YTHDF2: variants seen among roughly 807,000 people sequenced by gnomAD.
YTHDF2 encodes YTH domain-containing family protein 2.
A neutral mutation model predicts 50.4 loss-of-function variants in YTHDF2; 2 were observed. That is an observed-to-expected ratio of 0.04 (90% confidence interval 0.02 to 0.12). The LOEUF is 0.12. Ranked by LOEUF, YTHDF2 falls within the 10% of genes least tolerant of loss-of-function variation. YTHDF2 has a pLI of 1.00. For synonymous variants in YTHDF2, 217 were observed against 255.6 expected (o/e 0.85, Z 1.44); for missense variants, 483 against 722.6 (o/e 0.67, Z 3.80).
At chr1:28,739,563 A>G (rs1350407163) in intron 3 of YTHDF2, among the ~76,000 whole-genome samples, 1 of 151,728 alleles carries the variant, frequency 6.6e-6, no homozygotes. Flanking sequence ...ACCTCTCAGA[A>G]GTGTTGGGAT....
At chr1:28,756,906 C>T (rs970452554) in intron 4 of YTHDF2, among the ~76,000 whole-genome samples, 3 of 152,192 alleles carry the variant, frequency 2.0e-5, no homozygotes, top group Non-Finnish European at 2.9e-5. Context: ...TTAGGGCAAA[C>T]GTTCTCTTCC....
intron 4 of YTHDF2, among the ~76,000 whole-genome samples, chr1:28,753,149 T>TA (rs1415304212): frequency 5.3e-5 from 8 of 151,816 alleles, no homozygotes; most frequent in African/African-American, 1.9e-4. Context: ...TATTGGAACT[T>TA]ACACCTGGAG....
intron 4 of YTHDF2, among the ~76,000 whole-genome samples, chr1:28,749,610 T>G (rs1328873599): frequency 6.6e-6 from 1 of 152,176 alleles, no homozygotes; most frequent in African/African-American, 2.4e-5. Flanking sequence ...TTTCTAGCCC[T>G]TTAACTACAA....
chr1:28,758,223 A>G (rs984261144), intron 4 of YTHDF2, among the ~76,000 whole-genome samples: 1 of 152,116 alleles, frequency 6.6e-6, no homozygotes, highest in African/African-American at 2.4e-5. Flanking sequence ...GAAATTAGCC[A>G]GGTGTGGTGG....
At chr1:28,739,588 A>C (rs1227991432) in intron 3 of YTHDF2, among the ~76,000 whole-genome samples, 4 of 152,162 alleles carry the variant, frequency 2.6e-5, no homozygotes, top group African/African-American at 9.6e-5. Context: ...GGTGTGAGCC[A>C]CCATGCCCGG....
chr1:28,767,519 TA>T (rs1458302986), intron 4 of YTHDF2, among the ~76,000 whole-genome samples: 6 of 152,050 alleles, frequency 3.9e-5, no homozygotes, highest in Non-Finnish European at 8.8e-5. Flanking sequence ...TTTATTTATT[TA>T]TTTTTTGAGA....
chr1:28,745,810 CAGG>C (rs1037179508), intron 4 of YTHDF2, among the ~76,000 whole-genome samples: 2 of 143,058 alleles, frequency 1.4e-5, no homozygotes, highest in African/African-American at 5.2e-5. Flanking sequence ...GAGGACGAGG[CAGG>C]AGGATTGCCT....
upstream of YTHDF2, chr1:28,736,919 C>T: frequency 1.7e-6 from 1 of 583,514 alleles, no homozygotes; most frequent in South Asian, 2.0e-5. Flanking sequence ...AGCATAGAGA[C>T]GGGCATTGAG....
At chr1:28,741,848 T>C (rs2087781647) in intron 3 of YTHDF2, among the ~76,000 whole-genome samples, 1 of 152,216 alleles carries the variant, frequency 6.6e-6, no homozygotes, top group South Asian at 2.1e-4. Flanking sequence ...GATAAAAGGA[T>C]TATCTCAACA....
Position 28,751,110 on chromosome 1 carries a change from A to AAT in YTHDF2, c.1716+7124_1716+7125insAT, listed in dbSNP as rs1553144757. Among the ~76,000 whole-genome samples the AAT allele has an allele frequency of 4.8e-5, 7 of 144,410 alleles. 1 individual carries two copies. The highest frequency in any genetic ancestry group is 1.8e-4 in the African/African-American group (7 of 38,736). 94.7% of individuals were successfully genotyped at this position (144,410 alleles called of 152,430 possible). ...TGTCTCAAAAAAAAAAAAAAAAAAAAGGCTGGGCGTGGTGGTGCACGCTAG... is the reference window on the plus strand; with the variant it reads ...TGTCTCAAAAAAAAAAAAAAAAAAAAATGGCTGGGCGTGGTGGTGCACGCTAG... On this transcript the variant is annotated intron_variant, in intron 4 of 4. Transcript: ENST00000373812.
rs991145505 is a variant in YTHDF2, at chr1:28,737,023, A to G, written c.-98A>G. On this transcript the variant is annotated 5_prime_UTR_variant, in exon 1 of 5. Coordinates refer to ENST00000373812, the MANE Select transcript of YTHDF2 (RefSeq NM_016258.3). The stretch of plus-strand genomic sequence containing the variant: ...GCCGAGGCCCCCGAGTGTCAGGGAC[A>G]AAAGCCTCCGCCTGCTCCCGCAGAC... The G allele has an allele frequency of 8.7e-5, 130 of 1,493,590 alleles. No homozygotes were observed. The highest frequency in any genetic ancestry group is 1.1e-4 in the Non-Finnish European group (126 of 1,107,022). 92.5% of individuals were successfully genotyped at this position (1,493,590 alleles called of 1,614,324 possible).
chr1:28,745,402 C>A (rs1289538391), intron 4 of YTHDF2, among the ~76,000 whole-genome samples: 1 of 152,214 alleles, frequency 6.6e-6, no homozygotes, highest in Admixed American at 6.5e-5. Context: ...GTCCTTTAAA[C>A]TCCTCTCTTC....
intron 4 of YTHDF2, among the ~76,000 whole-genome samples, chr1:28,755,652 G>A (rs2088026017): frequency 6.6e-6 from 1 of 152,170 alleles, no homozygotes; most frequent in Non-Finnish European, 1.5e-5. Flanking sequence ...TAAAGAGGGA[G>A]CAAGTGAAAG....
At chr1:28,738,428 CA>C in intron 3 of YTHDF2, 90 bp downstream of exon 3, 6 of 1,161,802 alleles carry the variant, frequency 5.2e-6, no homozygotes, top group Non-Finnish European at 7.5e-6. Context: ...TCTGAGGATT[CA>C]TTTTTTTTTC....
chr1:28,746,684 C>T (rs1034925920), intron 4 of YTHDF2, among the ~76,000 whole-genome samples: 3 of 151,434 alleles, frequency 2.0e-5, no homozygotes, highest in Admixed American at 6.6e-5. Flanking sequence ...TTCTTGGACC[C>T]GGGAGGCAGG....
intron 4 of YTHDF2, among the ~76,000 whole-genome samples, chr1:28,764,126 T>C (rs2088181235): frequency 6.6e-6 from 1 of 151,456 alleles, no homozygotes. Context: ...ATTTTGTATT[T>C]TTAGTAAGAG....
In YTHDF2 at chr1:28,768,962, C is replaced by G. The variant is rs201156630; in HGVS notation, c.*10C>G. ...AGGTCGTGGGAAATAAAAGGCAGTT[C>G]TACACAGACTGCAGCAACGGTTGCA... On this transcript the variant is annotated 3_prime_UTR_variant, in exon 5 of 5. Transcript: ENST00000373812. The G allele has an allele frequency of 6.3e-7, 1 of 1,583,090 alleles. No individual in the cohort carries two copies. The highest frequency in any genetic ancestry group is 2.3e-5 in the East Asian group (1 of 44,260).
Position 28,737,157 on chromosome 1 carries a change from C to G in YTHDF2, c.27+10C>G. ...CAGCCTCTTGGAGCAGGTACAGGCC[C>G]GGCCCGCATGCCTCGGCCATTGTGT... is the stretch of plus-strand genomic sequence containing the variant. On this transcript the variant is annotated intron_variant, in intron 1 of 4. Coordinates refer to ENST00000373812, the MANE Select transcript of YTHDF2 (RefSeq NM_016258.3). The G allele has an allele frequency of 6.3e-7, 1 of 1,588,520 alleles. No individual in the cohort carries two copies.
intron 4 of YTHDF2, among the ~76,000 whole-genome samples, chr1:28,753,217 CCA>C (rs1448094758): frequency 6.6e-6 from 1 of 151,200 alleles, no homozygotes; most frequent in Non-Finnish European, 1.5e-5. Flanking sequence ...ATGAAGTTTG[CCA>C]GATAGAAAAG....
Sources: gnomAD v4.1 joint callset for allele counts (sites outside exome capture counted in the v4.1 genomes callset) on GRCh38, gnomAD v4.1.1 for gene constraint, MANE v1.5 for transcripts, NCBI Gene and HGNC (gene_info 2026-07-23, HGNC 2026-07-21) for gene names.